Variants in HS6ST3 observed in about 807,000 individuals in gnomAD.
HS6ST3 encodes the protein heparan-sulfate 6-O-sulfotransferase 3.
A neutral mutation model predicts 36.7 loss-of-function variants in HS6ST3; 12 were observed. The observed-to-expected ratio is 0.33, with a 90% CI of 0.21 to 0.53. The LOEUF (loss-of-function observed/expected upper bound fraction) is 0.53, where lower values mean the gene tolerates loss of function less well. Ranked by LOEUF, HS6ST3 falls within the 20% of genes least tolerant of loss-of-function variation. The pLI, the probability that HS6ST3 is intolerant of heterozygous loss-of-function variation, is 0.95. For synonymous variants in HS6ST3, 240 were observed against 257.5 expected (o/e 0.93, Z 0.65); for missense variants, 584 against 640.9 (o/e 0.91, Z 0.96).
At chr13:96,633,157 G>C (rs1040579577) in intron 1 of HS6ST3, among the ~76,000 whole-genome samples, 1 of 152,166 alleles carries the variant, frequency 6.6e-6, no homozygotes, top group Non-Finnish European at 1.5e-5. Flanking sequence ...ATCGGCCCGG[G>C]TGTGCACGTC....
chr13:96,325,900 A>G (rs1231807911), intron 1 of HS6ST3, among the ~76,000 whole-genome samples: 1 of 152,190 alleles, frequency 6.6e-6, no homozygotes, highest in East Asian at 1.9e-4. Flanking sequence ...TTCATTATGT[A>G]TCGTAAGATA....
intron 1 of HS6ST3, among the ~76,000 whole-genome samples, chr13:96,618,071 T>C (rs139531817): frequency 6.6e-6 from 1 of 152,316 alleles, no homozygotes; most frequent in East Asian, 1.9e-4. Context: ...CTCACTCATC[T>C]TGGGCAACCC....
chr13:96,445,306 A>T (rs1039519619), intron 1 of HS6ST3, among the ~76,000 whole-genome samples: 7 of 152,174 alleles, frequency 4.6e-5, no homozygotes, highest in Non-Finnish European at 1.0e-4. Context: ...CTGTGTCAGG[A>T]GATGCTTGAC....
chr13:96,246,794 C>A (rs2054586823), intron 1 of HS6ST3, among the ~76,000 whole-genome samples: 1 of 152,092 alleles, frequency 6.6e-6, no homozygotes, highest in African/African-American at 2.4e-5. Flanking sequence ...AGCTTCTTCC[C>A]CACGATGGAA....
intron 1 of HS6ST3, among the ~76,000 whole-genome samples, chr13:96,362,205 C>T (rs1355124386): frequency 1.3e-5 from 2 of 152,120 alleles, no homozygotes; most frequent in African/African-American, 4.8e-5. Context: ...CCTGTTACTA[C>T]TGTGATAATG....
chr13:96,438,248 C>A (rs1262568045), intron 1 of HS6ST3, among the ~76,000 whole-genome samples: 4 of 152,188 alleles, frequency 2.6e-5, no homozygotes, highest in African/African-American at 9.7e-5. Flanking sequence ...GATGTCCTTT[C>A]TTCTTCATGT....
At chr13:96,381,863 C>CGAGATT (rs1372662522) in intron 1 of HS6ST3, among the ~76,000 whole-genome samples, 3 of 152,056 alleles carry the variant, frequency 2.0e-5, no homozygotes, top group African/African-American at 7.2e-5. Context: ...ATTAGACAGG[C>CGAGATT]GAGATTAACA....
chr13:96,518,018 C>G (rs1352486433), intron 1 of HS6ST3, among the ~76,000 whole-genome samples: 1 of 152,090 alleles, frequency 6.6e-6, no homozygotes, highest in East Asian at 1.9e-4. Context: ...CCATGGAATA[C>G]TGTGGAGACA....
At chr13:96,555,768 A>G (rs2056238014) in intron 1 of HS6ST3, among the ~76,000 whole-genome samples, 2 of 152,184 alleles carry the variant, frequency 1.3e-5, no homozygotes, top group African/African-American at 4.8e-5. Context: ...CCAAAAATAT[A>G]CAAGAATGAA....
intron 1 of HS6ST3, among the ~76,000 whole-genome samples, chr13:96,270,607 G>A (rs2054715000): frequency 7.8e-6 from 1 of 128,196 alleles, no homozygotes; most frequent in African/African-American, 3.0e-5. Context: ...TAGAAGTAAT[G>A]CTGAGGGTAT....
intron 1 of HS6ST3, among the ~76,000 whole-genome samples, chr13:96,394,335 A>G (rs2055410422): frequency 6.6e-6 from 1 of 151,798 alleles, no homozygotes. Flanking sequence ...ACAGCTGGTA[A>G]TCAAGTGTTT....
intron 1 of HS6ST3, among the ~76,000 whole-genome samples, chr13:96,421,788 G>A (rs1284939927): frequency 2.6e-5 from 4 of 152,134 alleles, no homozygotes; most frequent in Non-Finnish European, 5.9e-5. Context: ...TTGTTTGTTT[G>A]CATATCTATT....
chr13:96,512,857 T>C (rs1241017921), intron 1 of HS6ST3, among the ~76,000 whole-genome samples: 1 of 152,080 alleles, frequency 6.6e-6, no homozygotes, highest in Non-Finnish European at 1.5e-5. Flanking sequence ...TCCTCTCTCT[T>C]TTCTGATCTT....
In HS6ST3 at chr13:96,620,170, A is replaced by G. The variant is rs533135420; in HGVS notation, c.708-212320A>G. On this transcript the variant is annotated intron_variant, in intron 1 of 1. Transcript: ENST00000376705. ...ATTTAAAGCACCCAAAACTATTGCT[A>G]TAAAAGAAAGTTGTCTGCTTAAACA... Among the ~76,000 whole-genome samples, 89 of 152,346 alleles carry G rather than the reference A, an allele frequency of 5.8e-4. 1 individual carries two copies. The highest frequency in any genetic ancestry group is 3.4e-3 in the Middle Eastern group (1 of 294).
chr13:96,342,161 T>A (rs188401079), intron 1 of HS6ST3, among the ~76,000 whole-genome samples: 13 of 152,366 alleles, frequency 8.5e-5, no homozygotes, highest in Non-Finnish European at 1.2e-4. Flanking sequence ...CTCATTGATT[T>A]AAATTTTTCT....
rs1258118968 is a variant in HS6ST3 at position 96,090,859 on chromosome 13, G to T, written c.-4G>T. On this transcript the variant is annotated 5_prime_UTR_variant, in exon 1 of 2. Transcript: ENST00000376705. ...GCTTCGCCTGCCGGCCTGAGAGCGGGACCATGGATGAAAGGTTCAACAAGT... is the reference window on the plus strand; with the variant it reads ...GCTTCGCCTGCCGGCCTGAGAGCGGTACCATGGATGAAAGGTTCAACAAGT... 27 of 1,507,128 alleles carry T rather than the reference G, an allele frequency of 1.8e-5. No individual in the cohort carries two copies. Among genetic ancestry groups the T allele is most frequent in the Non-Finnish European group, 2.3e-5 (26 of 1,122,580 alleles). The allele number at this position is 1,507,128 out of a possible 1,614,324, so 93.4% of individuals were successfully genotyped here. A position where few individuals can be genotyped will look rare whatever the true frequency, so the allele number is the denominator to read the frequency against.
At chr13:96,292,901 TG>T (rs981730455) in intron 1 of HS6ST3, among the ~76,000 whole-genome samples, 5 of 152,102 alleles carry the variant, frequency 3.3e-5, no homozygotes, top group Non-Finnish European at 7.4e-5. Flanking sequence ...GAACATGAAT[TG>T]CTGCTTTTAT....
intron 1 of HS6ST3, among the ~76,000 whole-genome samples, chr13:96,822,791 T>C (rs1297249802): frequency 1.3e-5 from 2 of 152,228 alleles, no homozygotes; most frequent in African/African-American, 4.8e-5. Context: ...AGGTTGTTTC[T>C]TTGAGGACTG....
rs567796978 is a variant in HS6ST3 at position 96,212,115 on chromosome 13, C to A, written c.707+120546C>A. ...CAGACATATTAATAGGAAAATATCT[C>A]TAGGGTAAAAATTAAAAGAAAGCTT... On this transcript the variant is annotated intron_variant, in intron 1 of 1. Transcript: ENST00000376705. Among the ~76,000 whole-genome samples, 8 of 152,218 alleles carry A rather than the reference C, an allele frequency of 5.3e-5. No individual in the cohort carries two copies. The East Asian group carries it at 1.5e-3, about 29-fold the overall frequency.
Sources: gnomAD v4.1 joint callset for allele counts (sites outside exome capture counted in the v4.1 genomes callset) on GRCh38, gnomAD v4.1.1 for gene constraint, MANE v1.5 for transcripts, NCBI Gene and HGNC (gene_info 2026-07-23, HGNC 2026-07-21) for gene names.